The following EDA variants were observed in gnomAD, a reference collection of about 807,000 sequenced individuals.
EDA encodes ectodysplasin A.
EDA carries 2 observed loss-of-function variants against 23.6 expected under a neutral mutation model. The observed-to-expected ratio is 0.08, with a 90% confidence interval of 0.03 to 0.27. EDA has a LOEUF of 0.27. EDA is among the 10% of genes least tolerant of loss of function. EDA has a pLI of 1.00. For missense variants in EDA, 229 were observed against 324.2 expected (o/e 0.71, Z 2.26); for synonymous variants, 131 against 132.0 (o/e 0.99, Z 0.05).
At chrX:69,973,374 A>T (rs2019274071) in intron 2 of EDA, among the ~76,000 whole-genome samples, 1 of 111,820 alleles carries the variant, frequency 8.9e-6, no homozygotes, top group Non-Finnish European at 1.9e-5. Context: ...AACCTTCAGC[A>T]GTAGGGCCTG....
chrX:69,703,342 G>A (rs2011590412), intron 1 of EDA, among the ~76,000 whole-genome samples: 1 of 111,948 alleles, frequency 8.9e-6, no homozygotes, highest in African/African-American at 3.2e-5. Flanking sequence ...ACTAGAGGCT[G>A]AGGAGTTTCC....
rs2020134677 is a variant in EDA, at chrX:70,027,848, A to G, written c.527-9A>G. 2 of 775,499 alleles carry G rather than the reference A, an allele frequency of 2.6e-6. No homozygotes were observed. The highest frequency in any genetic ancestry group is 2.2e-5 in the South Asian group (1 of 44,917). 63.9% of individuals were successfully genotyped at this position (775,499 alleles called of 1,213,427 possible). ...AAAAAAAAAAGTAACACTGAATCCT[A>G]TTTTTCAGGAAAGAAAGCAGGACCT... On this transcript the variant is annotated splice_polypyrimidine_tract_variant and intron_variant, in intron 3 of 7. Coordinates refer to ENST00000374552, the MANE Select transcript of EDA (RefSeq NM_001399.5).
intron 1 of EDA, among the ~76,000 whole-genome samples, chrX:69,732,118 A>T (rs1459362581): frequency 7.2e-5 from 8 of 111,491 alleles, no homozygotes; most frequent in Admixed American, 3.8e-4. Flanking sequence ...ATTTTATTAT[A>T]CTTTTAAGTT....
At chrX:69,676,256 G>T (rs1010677463) in intron 1 of EDA, among the ~76,000 whole-genome samples, 2 of 111,650 alleles carry the variant, frequency 1.8e-5, no homozygotes, top group Non-Finnish European at 3.8e-5. Flanking sequence ...TAGCTGCTGG[G>T]TTGAGACTAG....
At chrX:69,666,706 A>T (rs1933695876) in intron 1 of EDA, among the ~76,000 whole-genome samples, 1 of 111,844 alleles carries the variant, frequency 8.9e-6, no homozygotes. Flanking sequence ...CTAATATTTT[A>T]TTGAGGAGTT....
intron 1 of EDA, among the ~76,000 whole-genome samples, chrX:69,848,034 C>T (rs1024176627): frequency 9.0e-6 from 1 of 111,584 alleles, no homozygotes. Context: ...TTAATTTTAG[C>T]CATTCTAATA....
intron 1 of EDA, among the ~76,000 whole-genome samples, chrX:69,805,647 C>T: frequency 9.0e-6 from 1 of 111,533 alleles, no homozygotes; most frequent in Non-Finnish European, 1.9e-5. Context: ...CAATTAACAA[C>T]ATGTTGTGCT....
At chrX:69,688,878 C>T (rs1183204955) in intron 1 of EDA, among the ~76,000 whole-genome samples, 1 of 112,023 alleles carries the variant, frequency 8.9e-6, no homozygotes. Context: ...CAAGGCAGGC[C>T]TTTAAGCAAA....
intron 2 of EDA, among the ~76,000 whole-genome samples, chrX:69,999,642 A>G (rs2147475272): frequency 9.1e-6 from 1 of 110,125 alleles, no homozygotes; most frequent in Non-Finnish European, 1.9e-5. Flanking sequence ...AAAAGGAAAA[A>G]AAGAAAAAGA....
At position 70,038,568 on chromosome X, in the gene EDA, A is replaced by T. The variant is rs948017536; in HGVS notation, c.*2959A>T. 1.1e-4 allele frequency: 12 copies of T among 111,125 alleles called. No homozygotes were observed. Among genetic ancestry groups the T allele is most frequent in the East Asian group, 2.9e-4 (1 of 3,474 alleles). The allele number at this position is 111,125 out of a possible 1,213,427, so 9.2% of individuals were successfully genotyped here. On this transcript the variant is annotated 3_prime_UTR_variant, in exon 8 of 8. Transcript: ENST00000374552. ...CTTGGGCTTCAACAGCCAAGCTGGC[A>T]CAAAAGACAGCTGGCGGAGGCTGCT...
At chrX:69,835,865 C>A in intron 1 of EDA, among the ~76,000 whole-genome samples, 1 of 111,889 alleles carries the variant, frequency 8.9e-6, no homozygotes, top group Non-Finnish European at 1.9e-5. Context: ...TACCTTTGGT[C>A]TTTGATGTTG....
chrX:69,935,503 T>C (rs1055428296), intron 1 of EDA, among the ~76,000 whole-genome samples: 9 of 111,792 alleles, frequency 8.1e-5, no homozygotes, highest in Admixed American at 6.7e-4. Context: ...AGCCTTTATT[T>C]ACAAAAGCTT....
At chrX:69,803,351 G>A (rs1480303699) in intron 1 of EDA, among the ~76,000 whole-genome samples, 1 of 109,999 alleles carries the variant, frequency 9.1e-6, no homozygotes, top group Admixed American at 9.7e-5. Flanking sequence ...TGTTGAAGAT[G>A]TTTTAAGTGT....
At chrX:69,644,208 T>TTTCA (rs1229331787) in intron 1 of EDA, among the ~76,000 whole-genome samples, 1 of 111,386 alleles carries the variant, frequency 9.0e-6, no homozygotes, top group Non-Finnish European at 1.9e-5. Flanking sequence ...GTATGGCCAT[T>TTTCA]TTCAAGATAT....
At chrX:69,863,537 A>ATGTGTG (rs72100108) in intron 1 of EDA, among the ~76,000 whole-genome samples, 14 of 27,300 alleles carry the variant, frequency 5.1e-4, no homozygotes, top group African/African-American at 7.0e-4. Flanking sequence ...GTGTGTATAT[A>ATGTGTG]TATATATACA....
chrX:69,813,869 G>C (rs1054738001), intron 1 of EDA, among the ~76,000 whole-genome samples: 5 of 109,690 alleles, frequency 4.6e-5, no homozygotes, highest in Middle Eastern at 4.3e-3. Flanking sequence ...TAGACCATCT[G>C]TGCTTTCAGT....
At chrX:69,709,528 T>TA (rs1187929546) in intron 1 of EDA, among the ~76,000 whole-genome samples, 1 of 111,772 alleles carries the variant, frequency 8.9e-6, no homozygotes, top group African/African-American at 3.2e-5. Flanking sequence ...TAAAAACAGT[T>TA]ATAGCACTCA....
intron 1 of EDA, among the ~76,000 whole-genome samples, chrX:69,809,597 A>T (rs1360510801): frequency 8.9e-6 from 1 of 111,861 alleles, no homozygotes; most frequent in Non-Finnish European, 1.9e-5. Flanking sequence ...AAGGTGAGGC[A>T]TACCTGTTTG....
rs1932579226 is a variant in EDA at position 69,631,399 on chromosome X, A to G, written c.396+14695A>G. ...TCCGTGTCAAAAAAAAAAAAAAAAA[A>G]GAATTCCTGATGCTTTTTTTTCAGT... On this transcript the variant is annotated intron_variant, in intron 1 of 7. Coordinates refer to ENST00000374552, the MANE Select transcript of EDA (RefSeq NM_001399.5). Among the ~76,000 whole-genome samples, 4 of 107,012 alleles carry G rather than the reference A, an allele frequency of 3.7e-5. No homozygotes were observed. The South Asian group carries it at 1.7e-3, about 45-fold the overall frequency. The allele number at this position is 107,012 out of a possible 115,157, so 92.9% of individuals were successfully genotyped here. A position where few individuals can be genotyped will look rare whatever the true frequency, so the allele number is the denominator to read the frequency against.
Sources: allele counts gnomAD v4.1 joint callset (sites outside exome capture counted in the v4.1 genomes callset), GRCh38; gene constraint gnomAD v4.1.1; transcripts MANE v1.5; gene names NCBI Gene and HGNC (gene_info 2026-07-23, HGNC 2026-07-21).